SYT8: variants seen among roughly 807,000 people sequenced by gnomAD.
The protein encoded by SYT8 is synaptotagmin 8.
Under a neutral mutation model 34.9 loss-of-function variants are expected in SYT8, and 50 were observed. The ratio of observed to expected loss-of-function variants is 1.43; its 90% CI spans 1.14 to 1.81. The LOEUF is 1.81. Ranked by LOEUF, SYT8 falls within the 40% of genes most tolerant of loss-of-function variation. SYT8 has a pLI of 0.00. For missense variants in SYT8, 595 were observed against 529.0 expected, an observed-to-expected ratio of 1.12 and a Z score of -1.22; for synonymous variants, 255 against 234.2, an observed-to-expected ratio of 1.09 and a Z score of -0.81.
At position 1,836,263 on chromosome 11, in the gene SYT8, T is replaced by G. The variant is rs1447594809; in HGVS notation, c.495T>G (p.Phe165Leu). ...ACCGAGGCACGCTCTGCCCCGTGTT[T>G]GACGAGACCTGCTGCTTCCACGTGA... ...KVHRGTLCPV[F>L]DETCCFHIPQ... The change falls in exon 4 of 8, where the codon TTT becomes TTG. Residue 165 changes from phenylalanine to leucine, a missense_variant. By Grantham distance (22) the Phe-to-Leu change is conservative. Transcript: ENST00000341958. 4.5e-6 allele frequency: 7 copies of G among 1,564,500 alleles called. No individual in the cohort carries two copies. The highest frequency in any genetic ancestry group is 1.7e-6 in the Non-Finnish European group (2 of 1,158,110).
Position 1,836,517 on chromosome 11 carries a change from T to G in SYT8, c.609T>G (p.Arg203=), listed in dbSNP as rs3741232. Residue 203 remains arginine, a synonymous_variant, in exon 5 of 8, where the codon CGT becomes CGG. Coordinates refer to ENST00000341958, the MANE Select transcript of SYT8 (RefSeq NM_001394072.1). ...GGCATGAGCCCCTGGGTGAGCTCCG[T>G]CTGCCACTGGGCACCGTGGATCTGC... is the stretch of plus-strand genomic sequence containing the variant. ...FSGHEPLGEL[R]LPLGTVDLQH... 3 of 1,611,762 alleles carry G rather than the reference T, an allele frequency of 1.9e-6. No homozygotes were observed. The African/African-American group carries it at 4.0e-5, about 22-fold the overall frequency.
Position 1,836,434 on chromosome 11 carries a change from G to A in SYT8, c.526G>A (p.Ala176Thr). The change falls in exon 5 of 8, where the codon GCG becomes ACG. Residue 176 changes from alanine to threonine, a missense_variant. Transcript: ENST00000341958. Reference protein sequence around the residue: ...DETCCFHIPQAELPGATLQVQ... With the variant: ...DETCCFHIPQTELPGATLQVQ... ...CACGCCGCTGCCTCAGATCCCGCAG[G>A]CGGAGCTGCCAGGGGCCACCCTGCA... 6.4e-7 allele frequency: 1 copy of A among 1,568,194 alleles called. No homozygotes were observed.
rs745525483 is a variant in SYT8, at chr11:1,837,033, G to A, written c.867G>A (p.Thr289=). The A allele has an allele frequency of 1.2e-5, 19 of 1,613,714 alleles. No homozygotes were observed. The Middle Eastern group carries it at 8.2e-4, about 70-fold the overall frequency. The change falls in exon 7 of 8, where the codon ACG becomes ACA. Residue 289 remains threonine, a synonymous_variant. Transcript: ENST00000341958. ...KKRKTATKKG[T]AAPYFNEAFT... is the part of the protein sequence containing the mutation. ...GAAAGACAGCCACCAAAAAGGGCACGGCGGCCCCCTACTTCAATGAGGCCT... is the reference window on the plus strand; with the variant it reads ...GAAAGACAGCCACCAAAAAGGGCACAGCGGCCCCCTACTTCAATGAGGCCT...
chr11:1,837,038 C>G lies in SYT8; in HGVS notation c.872C>G (p.Ala291Gly). 6.2e-7 allele frequency: 1 copy of G among 1,613,812 alleles called. No individual in the cohort carries two copies. The highest frequency in any genetic ancestry group is 8.5e-7 in the Non-Finnish European group (1 of 1,180,002). Residue 291 changes from alanine (A) to glycine (G), a missense_variant, in exon 7 of 8, where the codon GCC becomes GGC. By Grantham distance (60) the Ala-to-Gly change is moderately conservative (BLOSUM62 0). Transcript: ENST00000341958. ...RKTATKKGTA[A>G]PYFNEAFTFL... Reference sequence around the variant, plus strand: ...ACAGCCACCAAAAAGGGCACGGCGGCCCCCTACTTCAATGAGGCCTTCACC... The same window carrying G: ...ACAGCCACCAAAAAGGGCACGGCGGGCCCCTACTTCAATGAGGCCTTCACC...
upstream of SYT8, among the ~76,000 whole-genome samples, chr11:1,832,087 G>T (rs1846687073): frequency 6.6e-6 from 1 of 152,240 alleles, no homozygotes; most frequent in Non-Finnish European, 1.5e-5. Flanking sequence ...TAAAGGAGGG[G>T]CTCACCCCCG....
chr11:1,833,817 TGTGTGTGTGTGTG>T (rs1846761384), upstream of SYT8: 1 of 11,932 alleles, frequency 8.4e-5, no homozygotes, highest in African/African-American at 1.5e-4. Flanking sequence ...TGCGCGTGCG[TGTGTGTGTGTGTG>T]TGTGTGTGTG....
chr11:1,836,182 CT>C lies in SYT8; in HGVS notation c.415del (p.Tyr139MetfsTer110). On this transcript the variant is annotated frameshift_variant, in exon 4 of 8. Transcript: ENST00000341958. LOFTEE classifies it high-confidence loss of function. ...TGAGGCCTGGGGGCACCGTGGACCC[CT>C]ATGCCCGGGTCAGCGTCTCCACCCA... ...DLRPGGTVDP[Y>X]ARVSVSTQAG... 6.4e-7 allele frequency: 1 copy of C among 1,569,250 alleles called. No homozygotes were observed. Among genetic ancestry groups the C allele is most frequent in the Non-Finnish European group, 8.6e-7 (1 of 1,159,746 alleles).
At chr11:1,831,965 G>A, upstream of SYT8, 1 of 357,072 alleles carries the variant, frequency 2.8e-6, no homozygotes, top group South Asian at 2.0e-5. Flanking sequence ...TCCAGAGGAA[G>A]GGCTCACGGA....
At chr11:1,834,732 G>A (rs1846807671), upstream of SYT8, 5 of 1,013,920 alleles carry the variant, frequency 4.9e-6, no homozygotes, top group Admixed American at 7.4e-5. This position sits in a 1 kb window ranked among gnomAD's most constrained non-coding sequence, Gnocchi z 4.5. Context: ...AGAGAAGCAG[G>A]GAGGGAGAGA....
rs767239020 is a variant in SYT8, at chr11:1,835,094, C to G, written c.-12C>G. 34 of 1,612,696 alleles carry G rather than the reference C, an allele frequency of 2.1e-5. No homozygotes were observed. The highest frequency in any genetic ancestry group is 2.7e-5 in the Non-Finnish European group (32 of 1,179,720). On this transcript the variant is annotated 5_prime_UTR_variant, in exon 1 of 8. Transcript: ENST00000341958. ...TCCTGGGCCGCTTCTTCCAAACCAG[C>G]AGGGTAGAAAGATGGGGCACCCACC...
chr11:1,835,729 G>A (rs533496980), intron 2 of SYT8, 157 bp from the exon 3 acceptor site: 39 of 785,596 alleles, frequency 5.0e-5, no homozygotes, highest in African/African-American at 3.5e-4. Context: ...GGGTTTGGCC[G>A]GTCTCACAGA....
rs1373232335 is a variant in SYT8, at chr11:1,835,072, T to C, written c.-34T>C. ...CACCCTCCCAGCTGACCCAGCCTCC[T>C]GGGCCGCTTCTTCCAAACCAGCAGG... On this transcript the variant is annotated 5_prime_UTR_variant, in exon 1 of 8. Transcript: ENST00000341958. 5.0e-6 allele frequency: 8 copies of C among 1,610,100 alleles called. No homozygotes were observed. The highest frequency in any genetic ancestry group is 6.8e-6 in the Non-Finnish European group (8 of 1,178,042).
In SYT8 at chr11:1,836,258, G is replaced by A. The variant is rs202139873; in HGVS notation, c.490G>A (p.Val164Met). 41 of 1,569,276 alleles carry A rather than the reference G, an allele frequency of 2.6e-5. No homozygotes were observed. The highest frequency in any genetic ancestry group is 1.7e-4 in the Middle Eastern group (1 of 5,872). Residue 164 changes from valine (V) to methionine (M), a missense_variant, in exon 4 of 8, where the codon GTG becomes ATG. By Grantham distance (21) the Val-to-Met change is conservative. Transcript: ENST00000341958. ...TKVHRGTLCP[V>M]FDETCCFHIP... is the part of the protein sequence containing the mutation. ...AGTGCACCGAGGCACGCTCTGCCCC[G>A]TGTTTGACGAGACCTGCTGCTTCCA...
intron 3 of SYT8, 32 bp from the exon 4 acceptor site, chr11:1,836,094 C>A: frequency 2.7e-5 from 42 of 1,529,416 alleles, no homozygotes; most frequent in Non-Finnish European, 3.3e-5. Context: ...AGGGCAGGGG[C>A]CCTTGGCTGA....
chr11:1,832,127 C>T (rs976469916), upstream of SYT8, among the ~76,000 whole-genome samples: 3 of 152,146 alleles, frequency 2.0e-5, no homozygotes, highest in Admixed American at 6.5e-5. Flanking sequence ...GGGGCCCTAA[C>T]GGGGTGGAAT....
intron 2 of SYT8, 113 bp downstream of exon 2, chr11:1,835,572 C>A (rs778198154): frequency 3.4e-4 from 445 of 1,301,794 alleles, no homozygotes; most frequent in Middle Eastern, 5.5e-4. Context: ...CCCACAGAGG[C>A]AGGGCGTTGA....
At chr11:1,832,829 C>T (rs1432430642), upstream of SYT8, among the ~76,000 whole-genome samples, 1 of 152,124 alleles carries the variant, frequency 6.6e-6, no homozygotes, top group Non-Finnish European at 1.5e-5. Flanking sequence ...GCTGGCCGGC[C>T]GCGGCAAATC....
At chr11:1,833,831 T>C (rs1444647008), upstream of SYT8, 5 of 138,590 alleles carry the variant, frequency 3.6e-5, no homozygotes, top group Non-Finnish European at 8.0e-5. Context: ...TGTGTGTGTG[T>C]GTGTGTGTGT....
Position 1,836,411 on chromosome 11 carries a change from C to T in SYT8, c.517-14C>T, listed in dbSNP as rs145844850. 2.9e-4 allele frequency: 446 copies of T among 1,531,018 alleles called. 3 individuals are homozygous for T. The Middle Eastern group carries it at 4.4e-3, about 15-fold the overall frequency. 94.8% of individuals were successfully genotyped at this position (1,531,018 alleles called of 1,614,324 possible). On this transcript the variant is annotated splice_polypyrimidine_tract_variant and intron_variant, in intron 4 of 7. Transcript: ENST00000341958. ...AGCTAGGGCAGCAGGGCCTGGCTCA[C>T]GCCGCTGCCTCAGATCCCGCAGGCG...
Sources: allele counts gnomAD v4.1 joint callset (sites outside exome capture counted in the v4.1 genomes callset), GRCh38; gene constraint gnomAD v4.1.1; non-coding constraint Gnocchi (gnomAD v3.1); transcripts MANE v1.5; gene names NCBI Gene and HGNC (gene_info 2026-07-23, HGNC 2026-07-21).